The following KCNK1 variants were observed in gnomAD, a reference collection of about 807,000 sequenced individuals.
The protein encoded by KCNK1 is potassium two pore domain channel subfamily K member 1.
A neutral mutation model predicts 22.2 loss-of-function variants in KCNK1; 10 were observed. That is an observed-to-expected ratio of 0.45 (90% confidence interval 0.28 to 0.76). The LOEUF is 0.76. KCNK1 is among the 30% of genes least tolerant of loss of function. The pLI is 0.14. For missense variants in KCNK1, 378 were observed against 421.0 expected (o/e 0.90, Z 0.89); for synonymous variants, 200 against 186.4 (o/e 1.07, Z -0.60).
Position 233,671,207 on chromosome 1 carries a change from T to C in KCNK1, c.752-64T>C, listed in dbSNP as rs1658590521. 1.2e-5 allele frequency: 18 copies of C among 1,481,330 alleles called. No individual in the cohort carries two copies. In the South Asian group the frequency reaches 2.0e-4, roughly 17 times the overall value. 91.8% of individuals were successfully genotyped at this position (1,481,330 alleles called of 1,614,324 possible). On this transcript the variant is annotated intron_variant, in intron 2 of 2. Coordinates refer to ENST00000366621, the MANE Select transcript of KCNK1 (RefSeq NM_002245.4). ...TGTTGGCATGAGGTGGGGAGGTAAA[T>C]CACTCGCTACTTGATTTATCCATGT...
At chr1:233,663,272 G>T (rs1426466067) in intron 1 of KCNK1, among the ~76,000 whole-genome samples, 1 of 152,162 alleles carries the variant, frequency 6.6e-6, no homozygotes, top group Non-Finnish European at 1.5e-5. Context: ...CTGCGTGGTG[G>T]TGATTTTTAA....
intron 1 of KCNK1, among the ~76,000 whole-genome samples, chr1:233,662,271 TCTC>T (rs58141865): frequency 0.06 from 4,023 of 67,060 alleles, 87 homozygotes; most frequent in African/African-American, 0.098. Flanking sequence ...TTCTTCTTCT[TCTC>T]CTCCTCCTCC....
intron 2 of KCNK1, among the ~76,000 whole-genome samples, chr1:233,667,235 G>A (rs1558120914): frequency 1.3e-5 from 2 of 152,062 alleles, no homozygotes; most frequent in East Asian, 3.9e-4. Flanking sequence ...CTCTCAATGA[G>A]GGGTCATTCA....
At position 233,636,126 on chromosome 1, in the gene KCNK1, G is replaced by A. The variant is rs149631099; in HGVS notation, c.355+21600G>A. On this transcript the variant is annotated intron_variant, in intron 1 of 2. Transcript: ENST00000366621. ...GGGAGTCGTAGCAGATGAGATTAGG[G>A]AAGTAGTGGAGTCAGATCATGTAGG... Among the ~76,000 whole-genome samples, 823 of 152,328 alleles carry A rather than the reference G, an allele frequency of 5.4e-3. 5 individuals carry two copies. Among genetic ancestry groups the A allele is most frequent in the African/African-American group, 0.012 (497 of 41,568 alleles).
At chr1:233,618,032 T>C (rs867335112) in intron 1 of KCNK1, among the ~76,000 whole-genome samples, 82 of 152,314 alleles carry the variant, frequency 5.4e-4, no homozygotes, top group African/African-American at 1.9e-3. Context: ...GGAATCTCTG[T>C]GTCTTCAAAG....
chr1:233,642,896 G>A (rs1658023913), intron 1 of KCNK1, among the ~76,000 whole-genome samples: 1 of 151,518 alleles, frequency 6.6e-6, no homozygotes, highest in African/African-American at 2.4e-5. Context: ...AGCCTCATGA[G>A]TAGCTGGGAC....
chr1:233,627,985 C>G (rs748284800), intron 1 of KCNK1, among the ~76,000 whole-genome samples: 5 of 152,224 alleles, frequency 3.3e-5, no homozygotes, highest in Non-Finnish European at 5.9e-5. Flanking sequence ...TTTCGCTTCA[C>G]TCAGAACTAT....
intron 1 of KCNK1, among the ~76,000 whole-genome samples, chr1:233,632,736 G>A (rs1558111045): frequency 6.6e-6 from 1 of 152,140 alleles, no homozygotes; most frequent in South Asian, 2.1e-4. Context: ...TTTTCTTCCT[G>A]AGGATCGTGG....
chr1:233,628,871 C>T (rs566860333), intron 1 of KCNK1, among the ~76,000 whole-genome samples: 1 of 152,136 alleles, frequency 6.6e-6, no homozygotes, highest in Non-Finnish European at 1.5e-5. Context: ...TACTGAATGA[C>T]CTTACATAGA....
intron 1 of KCNK1, among the ~76,000 whole-genome samples, chr1:233,645,193 C>CAA (rs113695541): frequency 1.4e-4 from 11 of 79,498 alleles, no homozygotes; most frequent in African/African-American, 3.9e-4. Context: ...GACTTTGTCT[C>CAA]AAAAAAAAAA....
intron 1 of KCNK1, among the ~76,000 whole-genome samples, chr1:233,646,008 T>C (rs1370578667): frequency 6.6e-6 from 1 of 152,018 alleles, no homozygotes; most frequent in African/African-American, 2.4e-5. Context: ...GGAGGGACAA[T>C]TTGGGCTGAG....
chr1:233,614,741 G>A (rs980300482), intron 1 of KCNK1, among the ~76,000 whole-genome samples: 34 of 152,116 alleles, frequency 2.2e-4, no homozygotes, highest in Non-Finnish European at 4.6e-4. Context: ...ACTCGGGAGG[G>A]CAAGCCCTGC....
chr1:233,651,112 T>C (rs1658195224), intron 1 of KCNK1, among the ~76,000 whole-genome samples: 1 of 152,344 alleles, frequency 6.6e-6, no homozygotes, highest in South Asian at 2.1e-4. Context: ...AAATTCAGCA[T>C]CAAGTAAACG....
chr1:233,655,802 G>A (rs1188116440), intron 1 of KCNK1: 1 of 152,476 alleles, frequency 6.6e-6, no homozygotes, highest in Non-Finnish European at 1.5e-5. Flanking sequence ...CACTAAAACT[G>A]TGAGAAATAC....
rs149861848 is a variant in KCNK1, at chr1:233,663,360, T to A, written c.356-3235T>A. On this transcript the variant is annotated intron_variant, in intron 1 of 2. Coordinates refer to ENST00000366621, the MANE Select transcript of KCNK1 (RefSeq NM_002245.4). ...TACTGCAGAGAGAGGTCTTAGAGTC[T>A]TATAATGATTATCTTCATTGCTTGG... is the stretch of plus-strand genomic sequence containing the variant. Among the ~76,000 whole-genome samples the A allele has an allele frequency of 2.1e-3, 318 of 152,334 alleles. 4 individuals are homozygous for A. The highest frequency in any genetic ancestry group is 6.0e-3 in the East Asian group (31 of 5,182).
chr1:233,671,001 ATT>A (rs201802787), intron 2 of KCNK1, among the ~76,000 whole-genome samples: 1 of 150,302 alleles, frequency 6.7e-6, no homozygotes, highest in Non-Finnish European at 1.5e-5. Flanking sequence ...AGCCCCAAGT[ATT>A]TTTTTTTTCT....
At chr1:233,634,972 G>C (rs1657873588) in intron 1 of KCNK1, among the ~76,000 whole-genome samples, 1 of 152,094 alleles carries the variant, frequency 6.6e-6, no homozygotes, top group Admixed American at 6.5e-5. Context: ...TCGTACTCAG[G>C]CTTCTACTCC....
chr1:233,631,645 G>A (rs1383296343), intron 1 of KCNK1, among the ~76,000 whole-genome samples: 19 of 152,154 alleles, frequency 1.2e-4, no homozygotes, highest in Non-Finnish European at 8.8e-5. Flanking sequence ...TACACAGTAA[G>A]ACAATTCATT....
At chr1:233,632,269 G>A (rs907103363) in intron 1 of KCNK1, among the ~76,000 whole-genome samples, 12 of 152,042 alleles carry the variant, frequency 7.9e-5, no homozygotes, top group African/African-American at 2.2e-4. Context: ...CTTTAACATC[G>A]TTGCTCTGTT....
Sources: allele counts gnomAD v4.1 joint callset (sites outside exome capture counted in the v4.1 genomes callset), GRCh38; gene constraint gnomAD v4.1.1; transcripts MANE v1.5; gene names NCBI Gene and HGNC (gene_info 2026-07-23, HGNC 2026-07-21).